CELF6: variants seen among roughly 807,000 people sequenced by gnomAD.
CELF6 encodes the protein Bruno -like 6, RNA binding protein.
In CELF6, 32 loss-of-function variants were observed where a neutral mutation model predicts 53.1. The ratio of observed to expected loss-of-function variants is 0.60; its 90% CI spans 0.46 to 0.81. The LOEUF (loss-of-function observed/expected upper bound fraction) is 0.81. Among genes scored for constraint, CELF6 ranks in the 30% least tolerant of loss-of-function variants. The probability of loss-of-function intolerance (pLI) is 0.00; values close to 1 mark genes in which losing one functional copy is unlikely to be tolerated. For missense variants in CELF6, 539 were observed against 669.5 expected, an observed-to-expected ratio of 0.81 and a Z score of 2.15; for synonymous variants, 291 against 288.8, an observed-to-expected ratio of 1.01 and a Z score of -0.08.
At chr15:72,298,438 T>A (rs1261570434) in intron 3 of CELF6, among the ~76,000 whole-genome samples, 2 of 152,206 alleles carry the variant, frequency 1.3e-5, no homozygotes, top group East Asian at 3.8e-4. Flanking sequence ...TGCCTCAAAA[T>A]ATATTTTAAA....
rs1595774321 is a variant in CELF6 at position 72,289,239 on chromosome 15, G to A, written c.929C>T (p.Pro310Leu). ...GSGPGTLPGL[P>L]APIGVNGFGP... ...GAATCCATTGACCCCGATGGGCGCC[G>A]GAAGACCTGGGAGGGTGCCAGGGCC... Residue 310 changes from proline (P) to leucine (L), a missense_variant, in exon 8 of 13, where the codon CCG becomes CTG. Physicochemically the swap from Pro to Leu is moderately conservative, Grantham distance 98. Transcript: ENST00000287202. The surrounding 1 kb of genome is among the most constrained non-coding windows in gnomAD (Gnocchi z 7.6). 8 of 1,577,960 alleles carry A rather than the reference G, an allele frequency of 5.1e-6. No homozygotes were observed. The East Asian group carries it at 9.1e-5, about 18-fold the overall frequency.
Position 72,299,870 on chromosome 15 carries a change from G to C in CELF6, c.394+4876C>G, listed in dbSNP as rs138316470. ...CAAACTCACTGGAATACATTAAAAG[G>C]CTGCTATAATATATCCACAAAGACC... On this transcript the variant is annotated intron_variant, in intron 3 of 12. Transcript: ENST00000287202. Among the ~76,000 whole-genome samples, 45 of 152,238 alleles carry C rather than the reference G, an allele frequency of 3.0e-4. 1 individual carries two copies. In the East Asian group the frequency reaches 8.1e-3, roughly 27 times the overall value.
intron 3 of CELF6, among the ~76,000 whole-genome samples, chr15:72,296,421 G>A (rs1458103626): frequency 6.6e-6 from 1 of 152,020 alleles, no homozygotes; most frequent in Non-Finnish European, 1.5e-5. Flanking sequence ...CTATTGGAGG[G>A]CAAAAATAAA....
At chr15:72,292,753 C>T (rs751356967) in intron 3 of CELF6, among the ~76,000 whole-genome samples, 37 of 152,330 alleles carry the variant, frequency 2.4e-4, no homozygotes, top group Non-Finnish European at 3.8e-4. Flanking sequence ...TTCAGCAGGG[C>T]GCAGTGGCTC....
At chr15:72,305,507 A>G (rs1401012269) in intron 2 of CELF6, among the ~76,000 whole-genome samples, 1 of 152,196 alleles carries the variant, frequency 6.6e-6, no homozygotes, top group Non-Finnish European at 1.5e-5. Context: ...GCGCCCGGCC[A>G]GATTCAATTT....
intron 2 of CELF6, among the ~76,000 whole-genome samples, chr15:72,306,553 C>CT (rs1423502067): frequency 2.1e-5 from 2 of 94,770 alleles, no homozygotes; most frequent in African/African-American, 1.6e-4. Context: ...GGAGGGCTTA[C>CT]TAAAAAAAAA....
rs2087953640 is a variant in CELF6 at position 72,288,641 on chromosome 15, A to G, written c.1094-23T>C. On this transcript the variant is annotated intron_variant, in intron 9 of 12. Coordinates refer to ENST00000287202, the MANE Select transcript of CELF6 (RefSeq NM_052840.5). This position sits in a 1 kb window ranked among gnomAD's most constrained non-coding sequence, Gnocchi z 4.6. ...CTGCTGGAGACAGAGGTGGGAGTGG[A>G]CAGTGATCCCCAGGAGCCCTTCCCC... 1 of 1,551,118 alleles carries G rather than the reference A, an allele frequency of 6.4e-7. No homozygotes were observed. Among genetic ancestry groups the G allele is most frequent in the South Asian group, 1.2e-5 (1 of 80,206 alleles).
rs1459596467 is a variant in CELF6 at position 72,285,952 on chromosome 15, GT to G, written c.*418del. ...GTCTTTTTTTGTAGTTGTTTGTCTTGTTTTTTGTTTGTTTGTTTCTTTGTTT... is the reference window on the plus strand; with the variant it reads ...GTCTTTTTTTGTAGTTGTTTGTCTTGTTTTTGTTTGTTTGTTTCTTTGTTT... On this transcript the variant is annotated 3_prime_UTR_variant, in exon 13 of 13. Transcript: ENST00000287202. 6.6e-6 allele frequency: 1 copy of G among 152,382 alleles called. No homozygotes were observed. The highest frequency in any genetic ancestry group is 1.5e-5 in the Non-Finnish European group (1 of 67,958). 9.4% of individuals were successfully genotyped at this position (152,382 alleles called of 1,614,324 possible).
In CELF6 at chr15:72,319,968, G is replaced by A. The variant is rs1472423444; in HGVS notation, c.-94C>T. ...CGGTGGCGAGGGCCAGGGGGAGGGG[G>A]CGGAGCCCGGGCGGAGAGGGCGGGG... On this transcript the variant is annotated 5_prime_UTR_variant, in exon 1 of 13. Coordinates refer to ENST00000287202, the MANE Select transcript of CELF6 (RefSeq NM_052840.5). The surrounding 1 kb of genome is among the most constrained non-coding windows in gnomAD (Gnocchi z 5.0). The A allele has an allele frequency of 6.6e-6, 9 of 1,355,480 alleles. No homozygotes were observed. Among genetic ancestry groups the A allele is most frequent in the Non-Finnish European group, 7.6e-6 (8 of 1,054,416 alleles). 84.0% of individuals were successfully genotyped at this position (1,355,480 alleles called of 1,614,324 possible). A position where few individuals can be genotyped will look rare whatever the true frequency, so the allele number is the denominator to read the frequency against.
intron 1 of CELF6, among the ~76,000 whole-genome samples, 186 bp from the exon 2 acceptor site, chr15:72,316,113 A>T (rs931728674): frequency 6.6e-6 from 1 of 152,182 alleles, no homozygotes; most frequent in African/African-American, 2.4e-5. Context: ...CCAGTGTCCC[A>T]GGCTCTGGCT....
intron 3 of CELF6, among the ~76,000 whole-genome samples, chr15:72,301,425 G>A (rs1219200015): frequency 6.6e-6 from 1 of 152,132 alleles, no homozygotes; most frequent in Non-Finnish European, 1.5e-5. Flanking sequence ...AGAAGAAACT[G>A]GAAGGTTTTG....
rs1262122419 is a variant in CELF6 at position 72,306,227 on chromosome 15, A to C, written c.346-1433T>G. On this transcript the variant is annotated intron_variant, in intron 2 of 12. Coordinates refer to ENST00000287202, the MANE Select transcript of CELF6 (RefSeq NM_052840.5). Reference sequence around the variant, plus strand: ...AACTGCCAAGAGCTGGGTGCGTGGGAGGTGAGGAATTATTGTTGGGGGGCA... The same window carrying C: ...AACTGCCAAGAGCTGGGTGCGTGGGCGGTGAGGAATTATTGTTGGGGGGCA... 7 of 984,104 alleles carry C rather than the reference A, an allele frequency of 7.1e-6. No homozygotes were observed. In the Admixed American group the frequency reaches 1.8e-4, roughly 26 times the overall value. The allele number at this position is 984,104 out of a possible 1,614,324, so 61.0% of individuals were successfully genotyped here.
In CELF6 at chr15:72,315,875, A is replaced by C; in HGVS notation, c.315T>G (p.Ser105Arg). The C allele has an allele frequency of 6.2e-7, 1 of 1,606,978 alleles. No individual in the cohort carries two copies. The highest frequency in any genetic ancestry group is 1.3e-5 in the African/African-American group (1 of 74,858). The change falls in exon 2 of 13, where the codon AGT becomes AGG. Residue 105 changes from serine to arginine, a missense_variant. This residue lies in a region of CELF6 where 97 missense variants were observed against 168.8 expected (regional missense o/e 0.57). Coordinates refer to ENST00000287202, the MANE Select transcript of CELF6 (RefSeq NM_052840.5). ...GCAGGGTCTTCTGCTCGTGCAGTGC[A>C]CTCTGGGCCTTGAGAGCAGAGTCCC... ...CARDSALKAQ[S>R]ALHEQKTLPG...
chr15:72,289,598 G>A lies in CELF6; in HGVS notation c.747+29C>T. On this transcript the variant is annotated intron_variant, in intron 6 of 12. Coordinates refer to ENST00000287202, the MANE Select transcript of CELF6 (RefSeq NM_052840.5). This position sits in a 1 kb window ranked among gnomAD's most constrained non-coding sequence, Gnocchi z 7.6. ...CCAGGCCTGGCCCACCCACCTGCGC[G>A]CCCTCGCACGCAGGTGCCCGGTACC... is the stretch of plus-strand genomic sequence containing the variant. 1.4e-6 allele frequency: 2 copies of A among 1,477,370 alleles called. No individual in the cohort carries two copies. The highest frequency in any genetic ancestry group is 8.9e-7 in the Non-Finnish European group (1 of 1,121,716). 91.5% of individuals were successfully genotyped at this position (1,477,370 alleles called of 1,614,324 possible).
intron 3 of CELF6, among the ~76,000 whole-genome samples, chr15:72,293,313 G>T (rs796965921): frequency 4.6e-5 from 7 of 152,252 alleles, no homozygotes; most frequent in African/African-American, 1.7e-4. Context: ...AGTACATGCT[G>T]GACCCCTAAC....
In CELF6 at chr15:72,319,524, C is replaced by A; in HGVS notation, c.262+89G>T. The A allele has an allele frequency of 7.1e-7, 1 of 1,417,098 alleles. No homozygotes were observed. The highest frequency in any genetic ancestry group is 1.4e-5 in the South Asian group (1 of 71,892). 87.8% of individuals were successfully genotyped at this position (1,417,098 alleles called of 1,614,324 possible). On this transcript the variant is annotated intron_variant, in intron 1 of 12. Transcript: ENST00000287202. This position sits in a 1 kb window ranked among gnomAD's most constrained non-coding sequence, Gnocchi z 5.0. Reference sequence around the variant, plus strand: ...ATATTGGACTGGTGTTGGACTGGCTCTCGGCAGGGCTAGGGCTGGGGCTGG... The same window carrying A: ...ATATTGGACTGGTGTTGGACTGGCTATCGGCAGGGCTAGGGCTGGGGCTGG...
At chr15:72,290,390 AG>A in intron 3 of CELF6, 135 bp from the exon 4 acceptor site, 1 of 1,099,396 alleles carries the variant, frequency 9.1e-7, no homozygotes, top group Non-Finnish European at 1.3e-6. Flanking sequence ...CTGGGCTTCC[AG>A]GGTTGGTTTT....
At chr15:72,297,198 C>T (rs995484492) in intron 3 of CELF6, among the ~76,000 whole-genome samples, 1 of 152,170 alleles carries the variant, frequency 6.6e-6, no homozygotes, top group Admixed American at 6.5e-5. Flanking sequence ...TTATTAACTA[C>T]AGTCTCCATG....
intron 3 of CELF6, among the ~76,000 whole-genome samples, chr15:72,295,506 A>G (rs2088066348): frequency 6.6e-6 from 1 of 151,888 alleles, no homozygotes. Context: ...AGGCGGGCAG[A>G]TCATGAGGTC....
Sources: gnomAD v4.1 joint callset for allele counts (sites outside exome capture counted in the v4.1 genomes callset) on GRCh38, gnomAD v4.1.1 for gene constraint, gnomAD v4.1.1 regional missense constraint, Gnocchi (gnomAD v3.1) non-coding constraint, MANE v1.5 for transcripts, NCBI Gene and HGNC (gene_info 2026-07-23, HGNC 2026-07-21) for gene names.